PTCHD4: variants seen among roughly 807,000 people sequenced by gnomAD.
The protein encoded by PTCHD4 is patched domain-containing protein 4.
In PTCHD4, 33 loss-of-function variants were observed where a neutral mutation model predicts 58.1. The observed-to-expected ratio is 0.57, with a 90% confidence interval of 0.43 to 0.76. The LOEUF is 0.76. Among genes scored for constraint, PTCHD4 ranks in the 30% least tolerant of loss-of-function variants. The pLI is 0.00. For synonymous variants in PTCHD4, 478 were observed against 409.6 expected (o/e 1.17, Z -2.02); for missense variants, 1,058 against 1,027.1 (o/e 1.03, Z -0.41).
chr6:48,097,464 C>T (rs1260657035), intron 1 of PTCHD4, among the ~76,000 whole-genome samples: 1 of 152,152 alleles, frequency 6.6e-6, no homozygotes, highest in African/African-American at 2.4e-5. Flanking sequence ...AATTTAAATG[C>T]AAATCTAAAG....
intron 3 of PTCHD4, among the ~76,000 whole-genome samples, chr6:48,059,949 T>G (rs1764559316): frequency 1.3e-5 from 2 of 152,194 alleles, no homozygotes; most frequent in African/African-American, 4.8e-5. Flanking sequence ...AAAACCGTTT[T>G]TTACCCCAAA....
intron 4 of PTCHD4, among the ~76,000 whole-genome samples, chr6:47,885,477 T>C (rs188041247): frequency 3.9e-4 from 59 of 152,308 alleles, no homozygotes; most frequent in Non-Finnish European, 7.2e-4. Flanking sequence ...ATGAAGGTTC[T>C]TCATGGTCAT....
chr6:47,933,907 G>T (rs560449274), intron 4 of PTCHD4, among the ~76,000 whole-genome samples: 11 of 152,018 alleles, frequency 7.2e-5, no homozygotes, highest in African/African-American at 2.2e-4. Flanking sequence ...CTTAATAAAG[G>T]TATCAAATTA....
In PTCHD4 at chr6:47,879,163, T is replaced by C; in HGVS notation, c.1672A>G (p.Ser558Gly). ...VEQYYQFLKV[S>G]NVSANNKSDF... Reference sequence around the variant, plus strand: ...CTTTTGTTATTGGCACTGACGTTGCTGACTTTCAGGAACTGGTAGTACTGC... The same window carrying C: ...CTTTTGTTATTGGCACTGACGTTGCCGACTTTCAGGAACTGGTAGTACTGC... Residue 558 changes from serine (S) to glycine (G), a missense_variant, in exon 5 of 5, where the codon AGC (serine) becomes GGC (glycine). By Grantham distance (56) the Ser-to-Gly change is moderately conservative. Coordinates refer to ENST00000339488, the MANE Select transcript of PTCHD4 (RefSeq NM_001384253.1). 6.2e-7 allele frequency: 1 copy of C among 1,612,148 alleles called. No homozygotes were observed. The highest frequency in any genetic ancestry group is 2.2e-5 in the East Asian group (1 of 44,856).
intron 3 of PTCHD4, among the ~76,000 whole-genome samples, chr6:48,064,460 G>A (rs1764730751): frequency 1.3e-5 from 2 of 152,006 alleles, no homozygotes; most frequent in South Asian, 2.1e-4. Flanking sequence ...TAATCAAGAG[G>A]TAGACTTCAA....
rs1763451364 is a variant in PTCHD4 at position 47,862,358 on chromosome 6, TC to T, written c.*15944del. ...ACTAAATTTTTTTTGTAGGCTGCTT[TC>T]CCCCTTTTCCCTTCATTGAAGTTCT... On this transcript the variant is annotated 3_prime_UTR_variant, in exon 5 of 5. Transcript: ENST00000339488. Among the ~76,000 whole-genome samples, 1 of 151,794 alleles carries T rather than the reference TC, an allele frequency of 6.6e-6. No homozygotes were observed.
chr6:48,023,911 C>A (rs1463828596), intron 3 of PTCHD4, among the ~76,000 whole-genome samples: 1 of 152,124 alleles, frequency 6.6e-6, no homozygotes, highest in African/African-American at 2.4e-5. Flanking sequence ...GCAATGATGG[C>A]AAAACCACCT....
intron 4 of PTCHD4, among the ~76,000 whole-genome samples, chr6:47,949,442 G>C (rs1766548101): frequency 1.3e-5 from 2 of 152,108 alleles, no homozygotes; most frequent in South Asian, 2.1e-4. Flanking sequence ...TTGCCACCTG[G>C]TCCCTGCCCT....
At chr6:48,097,754 T>C (rs1298975774) in intron 1 of PTCHD4, among the ~76,000 whole-genome samples, 1 of 152,256 alleles carries the variant, frequency 6.6e-6, no homozygotes, top group Non-Finnish European at 1.5e-5. Flanking sequence ...CAGAGAGATA[T>C]AGTACAGTTT....
intron 4 of PTCHD4, among the ~76,000 whole-genome samples, chr6:47,988,333 A>AT (rs961384210): frequency 6.6e-6 from 1 of 152,130 alleles, no homozygotes; most frequent in Non-Finnish European, 1.5e-5. Flanking sequence ...CACCCATACA[A>AT]TTTTTTGCAA....
rs931505257 is a variant in PTCHD4, at chr6:47,939,065, C to T, written c.899-59129G>A. Among the ~76,000 whole-genome samples, 6 of 152,072 alleles carry T rather than the reference C, an allele frequency of 3.9e-5. No individual in the cohort carries two copies. The South Asian group carries it at 1.2e-3, about 32-fold the overall frequency. ...AAAATGGGGAAGGCATAGGTTATGG[C>T]TGTAGGAGCAAGTGGCTGAGCCTGA... On this transcript the variant is annotated intron_variant, in intron 4 of 4. Coordinates refer to ENST00000339488, the MANE Select transcript of PTCHD4 (RefSeq NM_001384253.1).
At chr6:48,091,276 TA>T (rs918098542) in intron 1 of PTCHD4, among the ~76,000 whole-genome samples, 2 of 151,460 alleles carry the variant, frequency 1.3e-5, no homozygotes, top group East Asian at 1.9e-4. Context: ...GTAATAATAA[TA>T]AAAAATAATA....
Position 47,872,178 on chromosome 6 carries a change from A to G in PTCHD4, c.*6125T>C, listed in dbSNP as rs1763729692. 6.6e-6 allele frequency among the ~76,000 whole-genome samples: 1 copy of G among 151,650 alleles called. No individual in the cohort carries two copies. The highest frequency in any genetic ancestry group is 1.5e-5 in the Non-Finnish European group (1 of 67,740). ...TTAAATGCTCCCCATAACATACTGT[A>G]GACTGCCGCTACTGAGAATATAAGT... On this transcript the variant is annotated 3_prime_UTR_variant, in exon 5 of 5. Transcript: ENST00000339488.
chr6:48,014,628 C>A (rs1391197450), intron 3 of PTCHD4, among the ~76,000 whole-genome samples: 1 of 152,058 alleles, frequency 6.6e-6, no homozygotes, highest in Non-Finnish European at 1.5e-5. Context: ...AAGTAATTTT[C>A]AGCTCTATTT....
intron 4 of PTCHD4, chr6:47,901,761 G>GTGA (rs979836874): frequency 1.2e-5 from 15 of 1,229,748 alleles, no homozygotes; most frequent in South Asian, 7.3e-5. Context: ...GGTATTGGTG[G>GTGA]TGATGATGAT....
chr6:48,038,412 C>A (rs751373613), intron 3 of PTCHD4, among the ~76,000 whole-genome samples: 2 of 151,754 alleles, frequency 1.3e-5, no homozygotes, highest in African/African-American at 2.4e-5. Flanking sequence ...GAGGCCGAGG[C>A]GGGCAGATCA....
In PTCHD4 at chr6:47,876,672, G is replaced by A. The variant is rs1271055515; in HGVS notation, c.*1631C>T. On this transcript the variant is annotated 3_prime_UTR_variant, in exon 5 of 5. Coordinates refer to ENST00000339488, the MANE Select transcript of PTCHD4 (RefSeq NM_001384253.1). The stretch of plus-strand genomic sequence containing the variant: ...TAGTAGCTTTCTTCTAGGTAAAAGA[G>A]CTTACTAGCAGATTTTATAATCATC... 2.0e-5 allele frequency among the ~76,000 whole-genome samples: 3 copies of A among 151,954 alleles called. No homozygotes were observed. The highest frequency in any genetic ancestry group is 1.3e-4 in the Admixed American group (2 of 15,234).
chr6:48,104,005 G>C (rs1031554398), intron 1 of PTCHD4, among the ~76,000 whole-genome samples: 4 of 152,216 alleles, frequency 2.6e-5, no homozygotes, highest in Non-Finnish European at 5.9e-5. Context: ...AGGGAGAATG[G>C]AACCAAGTTG....
intron 3 of PTCHD4, among the ~76,000 whole-genome samples, chr6:48,016,825 G>A (rs1762885103): frequency 1.3e-5 from 2 of 150,528 alleles, no homozygotes; most frequent in African/African-American, 5.0e-5. Flanking sequence ...CAATAGTGCA[G>A]AGAAAAAAAT....
Sources: allele counts gnomAD v4.1 joint callset (sites outside exome capture counted in the v4.1 genomes callset), GRCh38; gene constraint gnomAD v4.1.1; transcripts MANE v1.5; gene names NCBI Gene and HGNC (gene_info 2026-07-23, HGNC 2026-07-21).